Variants in THRAP3 observed in about 807,000 individuals in gnomAD.
THRAP3 encodes the protein thyroid hormone receptor associated protein 3.
Under a neutral mutation model 101.0 loss-of-function variants are expected in THRAP3, and 16 were observed. That is an observed-to-expected ratio of 0.16 (90% confidence interval 0.11 to 0.24). THRAP3 has a LOEUF of 0.24. THRAP3 is among the 10% of genes least tolerant of loss of function. The pLI is 1.00. For missense variants in THRAP3, 989 were observed against 1,202.7 expected, an observed-to-expected ratio of 0.82 and a Z score of 2.63; for synonymous variants, 407 against 422.6, an observed-to-expected ratio of 0.96 and a Z score of 0.45.
Position 36,286,811 on chromosome 1 carries a change from G to A in THRAP3, c.581G>A (p.Gly194Glu). 1.2e-6 allele frequency: 2 copies of A among 1,614,184 alleles called. No individual in the cohort carries two copies. Among genetic ancestry groups the A allele is most frequent in the Non-Finnish European group, 1.7e-6 (2 of 1,180,040 alleles). Residue 194 changes from glycine to glutamate, a missense_variant, in exon 4 of 12, where the codon GGG becomes GAG. Coordinates refer to ENST00000354618, the MANE Select transcript of THRAP3 (RefSeq NM_005119.4). The surrounding 1 kb of genome is among the most constrained non-coding windows in gnomAD (Gnocchi z 5.5). ...SKDSRPSQAA[G>E]DNQGDEAKEQ... Reference sequence around the variant, plus strand: ...GATAGCCGGCCATCTCAGGCTGCCGGGGATAACCAGGGAGATGAGGCCAAG... The same window carrying A: ...GATAGCCGGCCATCTCAGGCTGCCGAGGATAACCAGGGAGATGAGGCCAAG...
chr1:36,289,729 T>C lies in THRAP3; in HGVS notation c.1710T>C (p.Asn570=). 2 of 1,612,690 alleles carry C rather than the reference T, an allele frequency of 1.2e-6. No individual in the cohort carries two copies. Among genetic ancestry groups the C allele is most frequent in the East Asian group, 2.2e-5 (1 of 44,880 alleles). The change falls in exon 5 of 12, where the codon AAT becomes AAC. Residue 570 remains asparagine (N), a synonymous_variant. Transcript: ENST00000354618. ...CCATTACTCGAGAGGCACAGGTCAA[T>C]GTCCGGATGGACTCTTTTGATGAGG... is the stretch of plus-strand genomic sequence containing the variant. The part of the protein sequence containing the change: ...SFSITREAQV[N]VRMDSFDEDL...
At chr1:36,243,375 T>TG (rs1421500078) in intron 1 of THRAP3, among the ~76,000 whole-genome samples, 2 of 151,368 alleles carry the variant, frequency 1.3e-5, no homozygotes, top group African/African-American at 2.4e-5. Context: ...CCTGGGTACT[T>TG]GAGATTAGGG....
At chr1:36,260,150 G>A (rs1460079388) in intron 2 of THRAP3, among the ~76,000 whole-genome samples, 1 of 152,028 alleles carries the variant, frequency 6.6e-6, no homozygotes, top group Non-Finnish European at 1.5e-5. Flanking sequence ...GCTGAGGCAG[G>A]AGAATCACTT....
intron 1 of THRAP3, among the ~76,000 whole-genome samples, chr1:36,230,509 T>C (rs1200527047): frequency 6.6e-6 from 1 of 151,732 alleles, no homozygotes; most frequent in African/African-American, 2.4e-5. Context: ...GTGATCCACC[T>C]GCCTCGTCCT....
intron 2 of THRAP3, among the ~76,000 whole-genome samples, chr1:36,260,665 A>C (rs1441343519): frequency 3.3e-5 from 5 of 151,970 alleles, no homozygotes; most frequent in Admixed American, 3.3e-4. Context: ...TACTAAAAAT[A>C]CAAAAAATTA....
At chr1:36,215,723 A>G in the THRAP3 span, among the ~76,000 whole-genome samples, 2 of 151,312 alleles carry the variant, frequency 1.3e-5, no homozygotes, top group Non-Finnish European at 3.0e-5. Context: ...AATTTCATAT[A>G]CTTTTTGCAT....
At chr1:36,245,038 A>G (rs1570253856) in intron 1 of THRAP3, among the ~76,000 whole-genome samples, 1 of 151,518 alleles carries the variant, frequency 6.6e-6, no homozygotes, top group African/African-American at 2.4e-5. Flanking sequence ...GTTAACTACT[A>G]AGTCTTCCTC....
At chr1:36,256,826 G>A (rs1204992352) in intron 1 of THRAP3, among the ~76,000 whole-genome samples, 2 of 151,494 alleles carry the variant, frequency 1.3e-5, no homozygotes, top group South Asian at 2.1e-4. Flanking sequence ...CAAGAGTTTC[G>A]CTATTGTTGT....
the THRAP3 span, among the ~76,000 whole-genome samples, chr1:36,210,372 A>G: frequency 6.7e-6 from 1 of 148,924 alleles, no homozygotes; most frequent in Admixed American, 6.7e-5. Flanking sequence ...TCTCAAAAAA[A>G]AAAAAAAAAA....
chr1:36,212,418 C>CTTTTTTTTTTTTTT, the THRAP3 span, among the ~76,000 whole-genome samples: 19 of 122,044 alleles, frequency 1.6e-4, no homozygotes, highest in African/African-American at 3.3e-4. Context: ...TTCTTTCTTT[C>CTTTTTTTTTTTTTT]TTTTTTTTTT....
intron 1 of THRAP3, among the ~76,000 whole-genome samples, chr1:36,230,360 C>G (rs945517911): frequency 1.3e-5 from 2 of 151,014 alleles, no homozygotes; most frequent in African/African-American, 2.4e-5. Context: ...TCAGGTGATC[C>G]GCCCGCTTCG....
At chr1:36,231,234 G>A (rs1645024273) in intron 1 of THRAP3, among the ~76,000 whole-genome samples, 1 of 152,068 alleles carries the variant, frequency 6.6e-6, no homozygotes, top group African/African-American at 2.4e-5. Context: ...TTTGAAAGAT[G>A]GAGTTGAAGC....
intron 1 of THRAP3, among the ~76,000 whole-genome samples, chr1:36,244,465 C>T (rs1645207292): frequency 6.6e-6 from 1 of 152,196 alleles, no homozygotes; most frequent in Non-Finnish European, 1.5e-5. Flanking sequence ...TTAAAAATTT[C>T]ATCTAAATTA....
In THRAP3 at chr1:36,259,392, T is replaced by C. The variant is rs1645415600; in HGVS notation, c.-124T>C. 2 of 398,690 alleles carry C rather than the reference T, an allele frequency of 5.0e-6. No homozygotes were observed. Among genetic ancestry groups the C allele is most frequent in the Non-Finnish European group, 8.8e-6 (2 of 226,074 alleles). 24.7% of individuals were successfully genotyped at this position (398,690 alleles called of 1,614,324 possible). On this transcript the variant is annotated 5_prime_UTR_variant, in exon 2 of 12. Transcript: ENST00000354618. Reference sequence around the variant, plus strand: ...TTTCTCTCATTTCAGAAGTGTATGCTGACTTGTAAAGTGAAGAAGCCAGTG... The same window carrying C: ...TTTCTCTCATTTCAGAAGTGTATGCCGACTTGTAAAGTGAAGAAGCCAGTG...
chr1:36,257,280 A>G (rs894366236), intron 1 of THRAP3, among the ~76,000 whole-genome samples: 1 of 152,036 alleles, frequency 6.6e-6, no homozygotes, highest in African/African-American at 2.4e-5. Context: ...TATAACTTTT[A>G]CTCCTCCAGG....
At position 36,287,042 on chromosome 1, in the gene THRAP3, C is replaced by A; in HGVS notation, c.812C>A (p.Pro271Gln). ...CGGTCACCCCGTCCTAGCCCCGTGC[C>A]AAAACCTAGTCCTCCACTTTCCAGC... ...RRRSPRPSPV[P>Q]KPSPPLSSTS... The change falls in exon 4 of 12, where the codon CCA becomes CAA. Residue 271 changes from proline to glutamine, a missense_variant. Transcript: ENST00000354618. The A allele has an allele frequency of 6.2e-7, 1 of 1,613,686 alleles. No homozygotes were observed. The highest frequency in any genetic ancestry group is 8.5e-7 in the Non-Finnish European group (1 of 1,179,680).
the THRAP3 span, among the ~76,000 whole-genome samples, chr1:36,218,901 C>A: frequency 2.3e-4 from 35 of 151,826 alleles, no homozygotes; most frequent in African/African-American, 8.4e-4. Flanking sequence ...AGTGCAGTGG[C>A]GGGCGCCTGC....
the THRAP3 span, among the ~76,000 whole-genome samples, chr1:36,211,366 G>GA: frequency 1.6e-3 from 212 of 134,768 alleles, no homozygotes; most frequent in Middle Eastern, 4.1e-3. Flanking sequence ...GTCTCAAAAA[G>GA]AAAAAAAAAA....
At chr1:36,252,317 G>A (rs1393029343) in intron 1 of THRAP3, among the ~76,000 whole-genome samples, 2 of 152,098 alleles carry the variant, frequency 1.3e-5, no homozygotes, top group Admixed American at 6.5e-5. Flanking sequence ...TAGAGACGGG[G>A]TTTCACCATG....
Sources: gnomAD v4.1 joint callset for allele counts (sites outside exome capture counted in the v4.1 genomes callset) on GRCh38, gnomAD v4.1.1 for gene constraint, Gnocchi (gnomAD v3.1) non-coding constraint, MANE v1.5 for transcripts, NCBI Gene and HGNC (gene_info 2026-07-23, HGNC 2026-07-21) for gene names.